The following OPHN1 variants were observed in gnomAD, a reference collection of about 807,000 sequenced individuals.
OPHN1 encodes the protein oligophrenin 1, also known as oligophrenin-1.
A neutral mutation model predicts 60.7 loss-of-function variants in OPHN1; 11 were observed. The observed-to-expected ratio is 0.18, with a 90% CI of 0.11 to 0.30. The LOEUF is 0.30. Ranked by LOEUF, OPHN1 falls within the 10% of genes least tolerant of loss-of-function variation. The pLI, the probability that OPHN1 is intolerant of heterozygous loss-of-function variation, is 1.00. For missense variants in OPHN1, 449 were observed against 611.0 expected (o/e 0.73, Z 2.80); for synonymous variants, 226 against 222.6 (o/e 1.02, Z -0.14).
intron 15 of OPHN1, among the ~76,000 whole-genome samples, chrX:68,139,768 A>G (rs750005194): frequency 1.3e-4 from 15 of 112,736 alleles, no homozygotes; most frequent in Non-Finnish European, 2.6e-4. Context: ...AGGCCCTACC[A>G]AGAGAGTGCA....
At chrX:68,072,924 C>A (rs2076940058) in intron 20 of OPHN1, among the ~76,000 whole-genome samples, 1 of 111,570 alleles carries the variant, frequency 9.0e-6, no homozygotes, top group South Asian at 3.8e-4. Flanking sequence ...TTATAGGGAT[C>A]CTCCACGTGG....
At chrX:68,428,661 T>C (rs948302143) in intron 2 of OPHN1, among the ~76,000 whole-genome samples, 1 of 112,247 alleles carries the variant, frequency 8.9e-6, no homozygotes, top group African/African-American at 3.2e-5. Flanking sequence ...ATAACACTTA[T>C]TAGATGTGTC....
intron 2 of OPHN1, among the ~76,000 whole-genome samples, chrX:68,349,431 A>G (rs1455977712): frequency 9.8e-5 from 11 of 111,855 alleles, no homozygotes; most frequent in East Asian, 5.6e-4. Context: ...AGGTTGTGGA[A>G]AAATAGGAAT....
intron 24 of OPHN1, among the ~76,000 whole-genome samples, chrX:68,048,139 T>C (rs770671259): frequency 8.9e-6 from 1 of 112,090 alleles, no homozygotes; most frequent in Non-Finnish European, 1.9e-5. Context: ...CCTAGGATTC[T>C]TAATAAATTT....
chrX:68,341,795 C>A (rs1219863733), intron 2 of OPHN1, among the ~76,000 whole-genome samples: 1 of 109,703 alleles, frequency 9.1e-6, no homozygotes, highest in East Asian at 2.9e-4. Flanking sequence ...CATGATCGTG[C>A]CACTGCACTC....
At chrX:68,260,985 A>T (rs748337473) in intron 5 of OPHN1, among the ~76,000 whole-genome samples, 4 of 111,710 alleles carry the variant, frequency 3.6e-5, no homozygotes, top group Non-Finnish European at 7.5e-5. Flanking sequence ...TCCTTTTCTT[A>T]AAGTTCTTTC....
At chrX:68,176,148 T>C (rs1237140230) in intron 15 of OPHN1, among the ~76,000 whole-genome samples, 4 of 111,994 alleles carry the variant, frequency 3.6e-5, no homozygotes, top group Admixed American at 2.9e-4. Flanking sequence ...CTGTATGACA[T>C]TTTATTTAGC....
At chrX:68,344,591 G>A (rs1218514491) in intron 2 of OPHN1, among the ~76,000 whole-genome samples, 2 of 106,683 alleles carry the variant, frequency 1.9e-5, no homozygotes, top group African/African-American at 6.9e-5. Flanking sequence ...CAGCCTGGGG[G>A]ACACTGGGCA....
chrX:68,229,277 G>A (rs1602256186), intron 6 of OPHN1, among the ~76,000 whole-genome samples: 1 of 111,793 alleles, frequency 8.9e-6, no homozygotes, highest in South Asian at 3.8e-4. Context: ...ACAAAGAAAT[G>A]GAAGTACATT....
chrX:68,422,720 A>AAAGAAAGG (rs1555986497), intron 2 of OPHN1, among the ~76,000 whole-genome samples: 3 of 87,830 alleles, frequency 3.4e-5, no homozygotes, highest in Non-Finnish European at 6.5e-5. Flanking sequence ...AGAAAGAAAG[A>AAAGAAAGG]AAGGAAGGAA....
At chrX:68,293,321 G>A (rs1169423709) in intron 3 of OPHN1, among the ~76,000 whole-genome samples, 1 of 111,968 alleles carries the variant, frequency 8.9e-6, no homozygotes, top group Non-Finnish European at 1.9e-5. Context: ...GCTGTGAGTT[G>A]TTTAGCAATG....
At chrX:68,288,272 T>C (rs536306437) in intron 3 of OPHN1, among the ~76,000 whole-genome samples, 2 of 111,683 alleles carry the variant, frequency 1.8e-5, no homozygotes, top group South Asian at 7.5e-4. Flanking sequence ...AACTGACTTG[T>C]TCAAGGTCAC....
chrX:68,305,433 A>G (rs775763451), intron 2 of OPHN1, among the ~76,000 whole-genome samples: 2 of 112,372 alleles, frequency 1.8e-5, no homozygotes, highest in South Asian at 3.7e-4. Context: ...AAAAGTTGCA[A>G]TGTAAAATCT....
intron 4 of OPHN1, among the ~76,000 whole-genome samples, chrX:68,275,276 A>G (rs185966411): frequency 8.9e-6 from 1 of 112,215 alleles, no homozygotes; most frequent in Non-Finnish European, 1.9e-5. Context: ...CCTTCAGAAT[A>G]TGGAGTGCAT....
At chrX:68,063,818 T>G in intron 21 of OPHN1, 36 bp downstream of exon 21, 2 of 1,090,825 alleles carry the variant, frequency 1.8e-6, no homozygotes, top group South Asian at 4.5e-5. Context: ...GTAGTTAGGG[T>G]CAGCTCTGGC....
At chrX:68,195,063 G>GAAGGAAGGAAGGAAGGAAGGAAGA (rs1555951821) in intron 12 of OPHN1, among the ~76,000 whole-genome samples, 2 of 92,207 alleles carry the variant, frequency 2.2e-5, no homozygotes, top group Non-Finnish European at 4.2e-5. Flanking sequence ...AGGAAGGAAG[G>GAAGGAAGGAAGGAAGGAAGGAAGA]AAGAAAGAAA....
chrX:68,227,349 G>C (rs752325020), intron 6 of OPHN1, among the ~76,000 whole-genome samples: 27 of 110,616 alleles, frequency 2.4e-4, no homozygotes, highest in Non-Finnish European at 4.9e-4. Flanking sequence ...ACAGATCAAC[G>C]AGACAGAAAG....
intron 15 of OPHN1, among the ~76,000 whole-genome samples, chrX:68,167,318 T>C (rs768681591): frequency 9.0e-6 from 1 of 111,729 alleles, no homozygotes; most frequent in Non-Finnish European, 1.9e-5. Flanking sequence ...CTCATTAAAA[T>C]GGCTTTTATG....
intron 15 of OPHN1, among the ~76,000 whole-genome samples, chrX:68,185,404 G>A (rs1490789142): frequency 9.0e-6 from 1 of 111,590 alleles, no homozygotes; most frequent in African/African-American, 3.3e-5. Flanking sequence ...GATTCCTAGA[G>A]ATCCAGGCAT....
Sources: allele counts gnomAD v4.1 joint callset (sites outside exome capture counted in the v4.1 genomes callset), GRCh38; gene constraint gnomAD v4.1.1; transcripts MANE v1.5; gene names NCBI Gene and HGNC (gene_info 2026-07-23, HGNC 2026-07-21).